Variants in SNTG2 observed in about 807,000 individuals in gnomAD.
SNTG2 encodes syntrophin gamma 2.
A neutral mutation model predicts 70.9 loss-of-function variants in SNTG2; 74 were observed. That is an observed-to-expected ratio of 1.04 (90% confidence interval 0.86 to 1.27). SNTG2 has a LOEUF of 1.27. SNTG2 is among the 50% of genes most tolerant of loss of function. The pLI, the probability that SNTG2 is intolerant of heterozygous loss-of-function variation, is 0.00. For missense variants in SNTG2, 717 were observed against 690.7 expected, an observed-to-expected ratio of 1.04 and a Z score of -0.43; for synonymous variants, 278 against 273.8, an observed-to-expected ratio of 1.02 and a Z score of -0.15.
chr2:974,701 G>T (rs1374731576), intron 1 of SNTG2, among the ~76,000 whole-genome samples: 1 of 152,126 alleles, frequency 6.6e-6, no homozygotes, highest in African/African-American at 2.4e-5. Context: ...TCCTACTCTG[G>T]AGCTCTGCCA....
chr2:1,189,715 T>G (rs2147935969), intron 8 of SNTG2, among the ~76,000 whole-genome samples: 1 of 151,928 alleles, frequency 6.6e-6, no homozygotes, highest in Admixed American at 6.6e-5. Context: ...CCCAGCTAAT[T>G]TTTTTGTATT....
At chr2:997,523 C>T (rs965348907) in intron 1 of SNTG2, among the ~76,000 whole-genome samples, 1 of 152,192 alleles carries the variant, frequency 6.6e-6, no homozygotes, top group African/African-American at 2.4e-5. Context: ...TTAAAGACTT[C>T]AATCTGACTG....
At chr2:1,281,233 GGT>G (rs1558175724) in intron 14 of SNTG2, among the ~76,000 whole-genome samples, 1 of 4,282 alleles carries the variant, frequency 2.3e-4, no homozygotes, top group Non-Finnish European at 5.1e-4. Flanking sequence ...GTGTTTATGT[GGT>G]GTGGTGTGTG....
chr2:1,267,305 C>G, intron 13 of SNTG2, 60 bp from the exon 14 acceptor site: 1 of 1,475,686 alleles, frequency 6.8e-7, no homozygotes. Flanking sequence ...ACACCAGGGC[C>G]CTCAGCATGG....
At chr2:1,121,815 A>G (rs1667397057) in intron 4 of SNTG2, among the ~76,000 whole-genome samples, 1 of 152,190 alleles carries the variant, frequency 6.6e-6, no homozygotes, top group Admixed American at 6.5e-5. Context: ...CGTGGGGATC[A>G]GGGTGATTGC....
At chr2:1,036,054 T>C (rs1213217456) in intron 1 of SNTG2, among the ~76,000 whole-genome samples, 1 of 152,244 alleles carries the variant, frequency 6.6e-6, no homozygotes, top group Non-Finnish European at 1.5e-5. Flanking sequence ...TTAAACTTTT[T>C]GCCATCTGTT....
At chr2:1,218,848 G>A (rs1190628039) in intron 9 of SNTG2, among the ~76,000 whole-genome samples, 1 of 152,192 alleles carries the variant, frequency 6.6e-6, no homozygotes, top group Non-Finnish European at 1.5e-5. Flanking sequence ...GTTTAACCAA[G>A]TAGGGTGGGA....
chr2:1,181,039 G>A (rs1352714666), intron 8 of SNTG2, among the ~76,000 whole-genome samples: 1 of 152,128 alleles, frequency 6.6e-6, no homozygotes, highest in Non-Finnish European at 1.5e-5. Context: ...GACACAGGAA[G>A]GGGAACATCA....
At chr2:984,984 C>T (rs574119298) in intron 1 of SNTG2, among the ~76,000 whole-genome samples, 51 of 152,166 alleles carry the variant, frequency 3.4e-4, no homozygotes, top group Non-Finnish European at 5.7e-4. Flanking sequence ...TTCTAGGCTG[C>T]ACAATTTGCT....
intron 14 of SNTG2, among the ~76,000 whole-genome samples, chr2:1,297,296 A>G (rs1680258210): frequency 6.6e-6 from 1 of 152,258 alleles, no homozygotes; most frequent in African/African-American, 2.4e-5. Context: ...CAGTGCATGC[A>G]GTACACATTC....
At chr2:1,313,828 A>G (rs947422111) in intron 15 of SNTG2, among the ~76,000 whole-genome samples, 1 of 152,198 alleles carries the variant, frequency 6.6e-6, no homozygotes, top group Non-Finnish European at 1.5e-5. Flanking sequence ...CTTGTCCTCC[A>G]TCACCCAGAC....
intron 9 of SNTG2, among the ~76,000 whole-genome samples, chr2:1,229,910 C>T (rs1304059185): frequency 5.3e-5 from 8 of 152,218 alleles, no homozygotes; most frequent in South Asian, 2.1e-4. Flanking sequence ...GCCAAGCCTA[C>T]GCCCACCCGG....
In SNTG2 at chr2:1,246,417, C is replaced by T. The variant is rs138616425; in HGVS notation, c.889-910C>T. ...ATCCTGGAGCTGGCGCCGGCTGTGA[C>T]GGGACTTACCTGGGCGGCTCCAGCA... is the stretch of plus-strand genomic sequence containing the variant. On this transcript the variant is annotated intron_variant, in intron 11 of 16. Coordinates refer to ENST00000308624, the MANE Select transcript of SNTG2 (RefSeq NM_018968.4). Among the ~76,000 whole-genome samples, 232 of 152,264 alleles carry T rather than the reference C, an allele frequency of 1.5e-3. 7 individuals are homozygous for T. The East Asian group carries it at 0.04, about 26-fold the overall frequency.
intron 4 of SNTG2, among the ~76,000 whole-genome samples, chr2:1,099,208 G>A (rs1264363089): frequency 6.6e-6 from 1 of 152,148 alleles, no homozygotes; most frequent in Non-Finnish European, 1.5e-5. Context: ...CAGAGCAAGG[G>A]GCACCTGGAC....
intron 14 of SNTG2, among the ~76,000 whole-genome samples, chr2:1,290,084 C>G (rs1178764820): frequency 6.6e-6 from 1 of 152,078 alleles, no homozygotes; most frequent in Non-Finnish European, 1.5e-5. Flanking sequence ...AATAATGTTG[C>G]TATAAAAATG....
rs951449568 is a variant in SNTG2 at position 1,247,350 on chromosome 2, T to C, written c.912T>C (p.Asn304=). The C allele has an allele frequency of 6.2e-7, 1 of 1,613,656 alleles. No individual in the cohort carries two copies. The highest frequency in any genetic ancestry group is 8.5e-7 in the Non-Finnish European group (1 of 1,179,658). Residue 304 remains asparagine (N), a synonymous_variant, in exon 12 of 17, where the codon AAT becomes AAC. Coordinates refer to ENST00000308624, the MANE Select transcript of SNTG2 (RefSeq NM_018968.4). Reference sequence around the variant, plus strand: ...AGGTTGTGCATATGGGGTGGGTAAATGAGAAACTCCAAGGAGCTGACTCCT... The same window carrying C: ...AGGTTGTGCATATGGGGTGGGTAAACGAGAAACTCCAAGGAGCTGACTCCT... ...SDQVVHMGWV[N]EKLQGADSSQ... is the part of the protein sequence containing the mutation.
intron 16 of SNTG2, among the ~76,000 whole-genome samples, chr2:1,354,019 G>A (rs973382313): frequency 4.6e-5 from 7 of 152,174 alleles, no homozygotes; most frequent in South Asian, 2.1e-4. Context: ...GCCTCATGGC[G>A]TCCTAAAAGT....
intron 8 of SNTG2, among the ~76,000 whole-genome samples, chr2:1,185,197 G>A (rs1558505552): frequency 6.6e-6 from 1 of 152,192 alleles, no homozygotes; most frequent in Non-Finnish European, 1.5e-5. Context: ...TGCAAGGGGT[G>A]GGCTCTTAAG....
At chr2:1,224,187 C>T (rs749950077) in intron 9 of SNTG2, among the ~76,000 whole-genome samples, 5 of 152,180 alleles carry the variant, frequency 3.3e-5, no homozygotes, top group Admixed American at 6.5e-5. Flanking sequence ...ACGACTGCCT[C>T]GGGGGCTAGG....
Sources: allele counts gnomAD v4.1 joint callset (sites outside exome capture counted in the v4.1 genomes callset), GRCh38; gene constraint gnomAD v4.1.1; transcripts MANE v1.5; gene names NCBI Gene and HGNC (gene_info 2026-07-23, HGNC 2026-07-21).